PCDHA12: variants seen among roughly 807,000 people sequenced by gnomAD.
PCDHA12 encodes the protein protocadherin alpha 12.
PCDHA12 carries 44 observed loss-of-function variants against 60.0 expected under a neutral mutation model. The observed-to-expected ratio is 0.73, with a 90% CI of 0.58 to 0.94. The LOEUF (loss-of-function observed/expected upper bound fraction) is 0.94. Among genes scored for constraint, PCDHA12 ranks in the 40% least tolerant of loss-of-function variants. The probability of loss-of-function intolerance (pLI) is 0.00; values close to 1 mark genes in which losing one functional copy is unlikely to be tolerated. For synonymous variants in PCDHA12, 569 were observed against 553.0 expected, an observed-to-expected ratio of 1.03 and a Z score of -0.40; for missense variants, 1,276 against 1,239.7, an observed-to-expected ratio of 1.03 and a Z score of -0.44.
chr5:140,992,823 T>A (rs1261484178), intron 3 of PCDHA12, among the ~76,000 whole-genome samples: 1 of 152,140 alleles, frequency 6.6e-6, no homozygotes, highest in Non-Finnish European at 1.5e-5. Flanking sequence ...ATGTGTTTGT[T>A]TTTTGGGAAC....
chr5:140,913,807 C>A (rs2076472600), intron 1 of PCDHA12, among the ~76,000 whole-genome samples: 1 of 152,068 alleles, frequency 6.6e-6, no homozygotes, highest in African/African-American at 2.4e-5. Flanking sequence ...ATCAAATTTT[C>A]AATTTCCTTT....
chr5:140,899,717 C>T (rs2153464993), intron 1 of PCDHA12, among the ~76,000 whole-genome samples: 1 of 152,322 alleles, frequency 6.6e-6, no homozygotes, highest in South Asian at 2.1e-4. Context: ...GGAGGATTCC[C>T]TCTTTTTCTA....
intron 3 of PCDHA12, among the ~76,000 whole-genome samples, chr5:140,996,371 C>G (rs1183587138): frequency 6.6e-6 from 1 of 152,126 alleles, no homozygotes; most frequent in Admixed American, 6.6e-5. Context: ...ATTTTGTTGT[C>G]GGCTGAAATA....
At chr5:140,979,486 C>T (rs1222755275) in intron 2 of PCDHA12, among the ~76,000 whole-genome samples, 1 of 152,032 alleles carries the variant, frequency 6.6e-6, no homozygotes, top group African/African-American at 2.4e-5. Flanking sequence ...TGTGTTCACA[C>T]CTATTAGAGC....
At chr5:140,921,080 A>G (rs1329038497) in intron 1 of PCDHA12, among the ~76,000 whole-genome samples, 1 of 152,008 alleles carries the variant, frequency 6.6e-6, no homozygotes. Context: ...CTTGGGCTCA[A>G]GAGAATCCTC....
At chr5:140,972,471 G>A (rs1437633114) in intron 1 of PCDHA12, among the ~76,000 whole-genome samples, 6 of 151,998 alleles carry the variant, frequency 3.9e-5, no homozygotes, top group Non-Finnish European at 8.8e-5. Context: ...TTAAACATCA[G>A]CATTTAACCC....
intron 1 of PCDHA12, among the ~76,000 whole-genome samples, chr5:140,950,025 T>C (rs907309880): frequency 6.6e-6 from 1 of 151,922 alleles, no homozygotes; most frequent in East Asian, 1.9e-4. Context: ...TCATAAAATA[T>C]AGAAAAGTTA....
intron 1 of PCDHA12, among the ~76,000 whole-genome samples, chr5:140,977,051 G>T (rs2096743579): frequency 6.6e-6 from 1 of 152,178 alleles, no homozygotes; most frequent in South Asian, 2.1e-4. Flanking sequence ...GTTGCTGATG[G>T]ACTAGTATAG....
intron 1 of PCDHA12, chr5:140,884,480 A>G (rs782532542): frequency 6.2e-7 from 1 of 1,613,780 alleles, no homozygotes; most frequent in South Asian, 1.1e-5. Context: ...GGGCAAGCCC[A>G]CTCTAGTGTG....
chr5:140,883,747 G>A (rs781812387), intron 1 of PCDHA12: 5 of 1,613,274 alleles, frequency 3.1e-6, no homozygotes, highest in South Asian at 2.2e-5. Context: ...TCTCCTACTC[G>A]CTGGTGGAGC....
intron 1 of PCDHA12, among the ~76,000 whole-genome samples, chr5:140,897,980 A>C (rs1313292712): frequency 6.6e-6 from 1 of 152,206 alleles, no homozygotes. Context: ...GGCTGCATAA[A>C]TGTCTTCTTT....
At chr5:140,904,399 T>C (rs1583526237) in intron 1 of PCDHA12, among the ~76,000 whole-genome samples, 1 of 151,316 alleles carries the variant, frequency 6.6e-6, no homozygotes, top group East Asian at 1.9e-4. Flanking sequence ...TTCCATGGTG[T>C]ATTATATATA....
intron 1 of PCDHA12, among the ~76,000 whole-genome samples, chr5:140,972,660 ATT>A (rs11350929): frequency 0.036 from 4,256 of 117,216 alleles, 192 homozygotes; most frequent in African/African-American, 0.13. Context: ...AAGAAACCAA[ATT>A]TTTTTTTTTT....
At chr5:140,952,171 TG>T (rs2094700193) in intron 1 of PCDHA12, among the ~76,000 whole-genome samples, 1 of 152,084 alleles carries the variant, frequency 6.6e-6, no homozygotes, top group Non-Finnish European at 1.5e-5. Context: ...GTTCAGTTCC[TG>T]CAGCTGCTCT....
In PCDHA12 at chr5:140,982,522, G is replaced by A; in HGVS notation, c.2474G>A (p.Gly825Glu). Residue 825 changes from glycine to glutamate, a missense_variant, in exon 3 of 4, where the codon GGG (glycine) becomes GAG (glutamate). Coordinates refer to ENST00000398631, the MANE Select transcript of PCDHA12 (RefSeq NM_018903.4). ...GGCATTCTACGGGCTGGTCCAGGAG[G>A]GCCTGATCAGCAGTGGCCAACAGTA... ...EAGILRAGPG[G>E]PDQQWPTVSS... 2.5e-6 allele frequency: 4 copies of A among 1,614,182 alleles called. No homozygotes were observed. Among genetic ancestry groups the A allele is most frequent in the Non-Finnish European group, 3.4e-6 (4 of 1,180,032 alleles).
intron 1 of PCDHA12, among the ~76,000 whole-genome samples, chr5:140,890,310 G>C (rs1554184247): frequency 6.6e-6 from 1 of 152,160 alleles, no homozygotes; most frequent in African/African-American, 2.4e-5. Context: ...GTAATATTAA[G>C]TTGTTTTAAG....
intron 1 of PCDHA12, among the ~76,000 whole-genome samples, chr5:140,955,549 C>T (rs1216178805): frequency 6.6e-6 from 1 of 152,140 alleles, no homozygotes; most frequent in Non-Finnish European, 1.5e-5. Context: ...TTCTTGAGGC[C>T]TCCCCAGCCA....
intron 3 of PCDHA12, among the ~76,000 whole-genome samples, chr5:140,999,635 A>C (rs2097866612): frequency 6.6e-6 from 1 of 152,192 alleles, no homozygotes; most frequent in Non-Finnish European, 1.5e-5. Flanking sequence ...AAGGTAGAGA[A>C]AACTGTGCAG....
intron 3 of PCDHA12, chr5:140,989,029 T>C (rs1179991724): frequency 6.6e-6 from 1 of 152,170 alleles, no homozygotes. Context: ...TCAGTTATCA[T>C]TGATTCCTTT....
Sources: allele counts gnomAD v4.1 joint callset (sites outside exome capture counted in the v4.1 genomes callset), GRCh38; gene constraint gnomAD v4.1.1; transcripts MANE v1.5; gene names NCBI Gene and HGNC (gene_info 2026-07-23, HGNC 2026-07-21).